The following OSBPL3 variants were observed in gnomAD, a reference collection of about 807,000 sequenced individuals.
OSBPL3 encodes the protein oxysterol binding protein like 3.
In OSBPL3, 65 loss-of-function variants were observed where a neutral mutation model predicts 120.1. The observed-to-expected ratio is 0.54, with a 90% CI of 0.44 to 0.67. The LOEUF is 0.67. Among genes scored for constraint, OSBPL3 ranks in the 30% least tolerant of loss-of-function variants. The pLI is 0.00. For missense variants in OSBPL3, 1,004 were observed against 1,082.1 expected (o/e 0.93, Z 1.01); for synonymous variants, 416 against 402.6 (o/e 1.03, Z -0.40).
At position 24,881,565 on chromosome 7, in the gene OSBPL3, C is replaced by G. The variant is rs1017662182; in HGVS notation, c.97-9496G>C. ...TTTGTAAATTGTCAAATGGGAGATT[C>G]ACACAAACCTGCTGCAGGAGTTCAG... On this transcript the variant is annotated intron_variant, in intron 2 of 22. Coordinates refer to ENST00000313367, the MANE Select transcript of OSBPL3 (RefSeq NM_015550.4). The surrounding 1 kb of genome is among the most constrained non-coding windows in gnomAD (Gnocchi z 4.3). Among the ~76,000 whole-genome samples, 2 of 152,106 alleles carry G rather than the reference C, an allele frequency of 1.3e-5. No individual in the cohort carries two copies. The highest frequency in any genetic ancestry group is 1.5e-5 in the Non-Finnish European group (1 of 68,018).
In OSBPL3 at chr7:24,803,873, C is replaced by A. The variant is rs913603064; in HGVS notation, c.2567+442G>T. ...CAAGTGTACTGGAACTTCTACAATG[C>A]AAGAAACAGACTGCTTGGAATTTCC... On this transcript the variant is annotated intron_variant, in intron 22 of 22. Coordinates refer to ENST00000313367, the MANE Select transcript of OSBPL3 (RefSeq NM_015550.4). The surrounding 1 kb of genome is among the most constrained non-coding windows in gnomAD (Gnocchi z 4.2). 6.6e-5 allele frequency among the ~76,000 whole-genome samples: 10 copies of A among 152,118 alleles called. No homozygotes were observed. The highest frequency in any genetic ancestry group is 2.9e-5 in the Non-Finnish European group (2 of 68,034).
rs781703746 is a variant in OSBPL3, at chr7:24,822,092, C to T, written c.1885-1854G>A. 5.3e-5 allele frequency among the ~76,000 whole-genome samples: 8 copies of T among 151,994 alleles called. No individual in the cohort carries two copies. The highest frequency in any genetic ancestry group is 7.4e-5 in the Non-Finnish European group (5 of 67,986). On this transcript the variant is annotated intron_variant, in intron 16 of 22. Coordinates refer to ENST00000313367, the MANE Select transcript of OSBPL3 (RefSeq NM_015550.4). This position sits in a 1 kb window ranked among gnomAD's most constrained non-coding sequence, Gnocchi z 5.8. ...TCATGCTATGTTGCCCAGACTGGTC[C>T]GGAACTCCTGGCCTCAAGTGATCTT...
rs1479506865 is a variant in OSBPL3, at chr7:24,849,233, C to T, written c.1159-57G>A. 7.6e-7 allele frequency: 1 copy of T among 1,313,648 alleles called. No individual in the cohort carries two copies. Among genetic ancestry groups the T allele is most frequent in the Non-Finnish European group, 1.1e-6 (1 of 914,784 alleles). The allele number at this position is 1,313,648 out of a possible 1,614,324, so 81.4% of individuals were successfully genotyped here. ...AATAAATGGATGTTTCAGAAAAGCA[C>T]AGCAGTGGGCCCTGCAGGAGCGATC... On this transcript the variant is annotated intron_variant, in intron 11 of 22. Transcript: ENST00000313367. This position sits in a 1 kb window ranked among gnomAD's most constrained non-coding sequence, Gnocchi z 5.4.
chr7:24,963,999 C>T (rs952632731), intron 1 of OSBPL3, among the ~76,000 whole-genome samples: 2 of 152,138 alleles, frequency 1.3e-5, no homozygotes, highest in Middle Eastern at 3.4e-3. Context: ...AGGAGCCAAC[C>T]GAAAGCACTC....
rs1293404293 is a variant in OSBPL3 at position 24,815,968 on chromosome 7, G to A, written c.2027+642C>T. On this transcript the variant is annotated intron_variant, in intron 18 of 22. Coordinates refer to ENST00000313367, the MANE Select transcript of OSBPL3 (RefSeq NM_015550.4). This position sits in a 1 kb window ranked among gnomAD's most constrained non-coding sequence, Gnocchi z 5.1. ...TATCAATCATCCCTATCAGATCAAG[G>A]CCATACTTTTCTTAAAAGGGATTTT... Among the ~76,000 whole-genome samples, 1 of 152,104 alleles carries A rather than the reference G, an allele frequency of 6.6e-6. No homozygotes were observed. Among genetic ancestry groups the A allele is most frequent in the East Asian group, 1.9e-4 (1 of 5,200 alleles).
At chr7:24,915,913 C>G (rs963312800) in intron 1 of OSBPL3, among the ~76,000 whole-genome samples, 1 of 152,066 alleles carries the variant, frequency 6.6e-6, no homozygotes, top group East Asian at 1.9e-4. Context: ...AGTAAAAAGA[C>G]CAATGGTTAA....
chr7:24,942,130 C>T (rs1475784263), intron 1 of OSBPL3, among the ~76,000 whole-genome samples: 1 of 151,864 alleles, frequency 6.6e-6, no homozygotes, highest in Non-Finnish European at 1.5e-5. Context: ...ACTCAAGAAG[C>T]CTTCCCTTAA....
At chr7:24,840,594 C>A in intron 14 of OSBPL3, 96 bp downstream of exon 14, 1 of 529,148 alleles carries the variant, frequency 1.9e-6, no homozygotes, top group South Asian at 3.0e-5. Context: ...GGTATCAGCA[C>A]CTTGAACCCC....
chr7:24,843,180 G>C (rs1371248729), intron 12 of OSBPL3, among the ~76,000 whole-genome samples: 1 of 152,088 alleles, frequency 6.6e-6, no homozygotes, highest in Non-Finnish European at 1.5e-5. Context: ...AACCAGACAA[G>C]GTTTGTGGAC....
intron 1 of OSBPL3, among the ~76,000 whole-genome samples, chr7:24,960,879 T>G (rs1815647799): frequency 6.6e-6 from 1 of 152,158 alleles, no homozygotes; most frequent in Non-Finnish European, 1.5e-5. Context: ...AAAGATAGGA[T>G]GCTATCAAGG....
chr7:24,812,010 G>A (rs961700803), intron 19 of OSBPL3, among the ~76,000 whole-genome samples: 5 of 152,152 alleles, frequency 3.3e-5, no homozygotes, highest in African/African-American at 1.2e-4. Context: ...CAATGTAAGA[G>A]AAGGCTCAGT....
intron 12 of OSBPL3, among the ~76,000 whole-genome samples, chr7:24,845,384 T>TAAAAAAAAAAAAAAAAAAAAAAAAAAA: frequency 1.6e-5 from 1 of 62,264 alleles, no homozygotes; most frequent in Non-Finnish European, 2.8e-5. Flanking sequence ...GCAAAATAAG[T>TAAAAAAAAAAAAAAAAAAAAAAAAAAA]AAAAAAAAAA....
At chr7:24,971,928 T>G (rs781034078) in intron 1 of OSBPL3, among the ~76,000 whole-genome samples, 6 of 152,328 alleles carry the variant, frequency 3.9e-5, no homozygotes, top group Admixed American at 6.5e-5. Context: ...ATTCTATATA[T>G]GCCAGGAATT....
chr7:24,928,193 T>C (rs1390407060), intron 1 of OSBPL3, among the ~76,000 whole-genome samples: 1 of 87,062 alleles, frequency 1.1e-5, no homozygotes, highest in Admixed American at 1.1e-4. Flanking sequence ...CCTTCCTTTT[T>C]GTTTTTTTTT....
intron 14 of OSBPL3, among the ~76,000 whole-genome samples, chr7:24,840,100 A>G (rs537641157): frequency 3.9e-5 from 6 of 151,984 alleles, no homozygotes; most frequent in East Asian, 3.9e-4. Flanking sequence ...TAAGCAGACA[A>G]ATTTATTTGA....
chr7:24,861,899 TTG>T (rs1491352181), intron 9 of OSBPL3, 130 bp from the exon 10 acceptor site: 12 of 500,084 alleles, frequency 2.4e-5, no homozygotes, highest in African/African-American at 1.1e-4. Context: ...TTTTTTTTTT[TTG>T]GGGGGGATGG....
chr7:24,907,626 CTT>C lies in OSBPL3; in HGVS notation c.-149-15007_-149-15006del, dbSNP rs1166188269. Among the ~76,000 whole-genome samples the C allele has an allele frequency of 3.3e-5, 5 of 152,220 alleles. No individual in the cohort carries two copies. In the East Asian group the frequency reaches 9.6e-4, roughly 29 times the overall value. ...CTTTATGGAGCACCCTCCTAACCCA[CTT>C]TCTCTCTTCCGTCTGTGGCAAAGTC... On this transcript the variant is annotated intron_variant, in intron 1 of 22. Transcript: ENST00000313367.
At chr7:24,970,104 CTTTTTTTTTTTTTTT>C (rs10540160) in intron 1 of OSBPL3, among the ~76,000 whole-genome samples, 1 of 83,014 alleles carries the variant, frequency 1.2e-5, no homozygotes, top group Non-Finnish European at 2.1e-5. Context: ...TCGTCCCTTT[CTTTTTTTTTTTTTTT>C]TTTTTTTTGA....
At chr7:24,864,164 T>C (rs1800980252) in intron 7 of OSBPL3, among the ~76,000 whole-genome samples, 2 of 152,196 alleles carry the variant, frequency 1.3e-5, no homozygotes, top group African/African-American at 4.8e-5. Context: ...CTCTTGCACA[T>C]GGACCTGAGA....
Sources: gnomAD v4.1 joint callset for allele counts (sites outside exome capture counted in the v4.1 genomes callset) on GRCh38, gnomAD v4.1.1 for gene constraint, Gnocchi (gnomAD v3.1) non-coding constraint, MANE v1.5 for transcripts, NCBI Gene and HGNC (gene_info 2026-07-23, HGNC 2026-07-21) for gene names.